SCMH1: variants seen among roughly 807,000 people sequenced by gnomAD.
SCMH1 encodes Scm polycomb group protein homolog 1.
A neutral mutation model predicts 70.8 loss-of-function variants in SCMH1; 37 were observed. That is an observed-to-expected ratio of 0.52 (90% confidence interval 0.40 to 0.69). The LOEUF (loss-of-function observed/expected upper bound fraction) is 0.69. Among genes scored for constraint, SCMH1 ranks in the 30% least tolerant of loss-of-function variants. The pLI, the probability that SCMH1 is intolerant of heterozygous loss-of-function variation, is 0.00. For missense variants in SCMH1, 607 were observed against 827.3 expected (o/e 0.73, Z 3.27); for synonymous variants, 292 against 307.4 (o/e 0.95, Z 0.52).
chr1:41,161,273 T>G, intron 3 of SCMH1, 91 bp downstream of exon 3: 1 of 1,532,016 alleles, frequency 6.5e-7, no homozygotes, highest in Non-Finnish European at 8.8e-7. Flanking sequence ...ATTGAGTTAT[T>G]TGTAAACTCA....
At chr1:41,078,761 C>T (rs577769113) in intron 8 of SCMH1, among the ~76,000 whole-genome samples, 33 of 152,100 alleles carry the variant, frequency 2.2e-4, no homozygotes, top group Non-Finnish European at 4.4e-4. Flanking sequence ...CTGTCACCAG[C>T]AGACCTAACT....
At chr1:41,142,855 A>G (rs1572556592) in intron 6 of SCMH1, 23 bp downstream of exon 6, 2 of 1,584,322 alleles carry the variant, frequency 1.3e-6, no homozygotes, top group African/African-American at 1.3e-5. Context: ...TTGGCTAGAA[A>G]GAGTTTGGGT....
chr1:41,174,101 A>AT (rs1469933849), intron 2 of SCMH1, among the ~76,000 whole-genome samples: 2 of 152,234 alleles, frequency 1.3e-5, no homozygotes, highest in African/African-American at 2.4e-5. Flanking sequence ...TGCTCCCAAC[A>AT]TAAATAAATG....
intron 8 of SCMH1, among the ~76,000 whole-genome samples, chr1:41,089,166 T>C (rs771118693): frequency 9.2e-5 from 14 of 152,228 alleles, no homozygotes; most frequent in Admixed American, 2.6e-4. Flanking sequence ...ATTCTACCTA[T>C]AATTAAAACT....
intron 2 of SCMH1, chr1:41,161,667 T>G (rs1646043396): frequency 6.1e-6 from 1 of 163,614 alleles, no homozygotes; most frequent in African/African-American, 2.4e-5. Flanking sequence ...GATTAAGATT[T>G]GATAATACAA....
intron 1 of SCMH1, among the ~76,000 whole-genome samples, chr1:41,210,214 C>G (rs1260808291): frequency 1.3e-5 from 2 of 152,154 alleles, no homozygotes; most frequent in Non-Finnish European, 2.9e-5. Flanking sequence ...AAACAGGACA[C>G]AAACAAATGG....
At chr1:41,124,248 C>G (rs977675868) in intron 6 of SCMH1, among the ~76,000 whole-genome samples, 1 of 152,070 alleles carries the variant, frequency 6.6e-6, no homozygotes, top group African/African-American at 2.4e-5. Flanking sequence ...CGACACTTCA[C>G]CCCTAAATAT....
chr1:41,034,072 C>CA (rs1203900946), intron 13 of SCMH1, 24 bp from the exon 14 acceptor site: 2 of 1,591,534 alleles, frequency 1.3e-6, no homozygotes, highest in East Asian at 2.2e-5. Flanking sequence ...AGGTTGGTGT[C>CA]ACCATCTCCA....
intron 1 of SCMH1, among the ~76,000 whole-genome samples, chr1:41,199,577 G>C (rs1279471845): frequency 6.6e-6 from 1 of 151,922 alleles, no homozygotes; most frequent in Non-Finnish European, 1.5e-5. Context: ...AGGCACCCAT[G>C]GTCACTCAAC....
At position 41,074,684 on chromosome 1, in the gene SCMH1, C is replaced by G. The variant is rs977726655; in HGVS notation, c.978+535G>C. ...AATCTCCTCAAATATGAGTGACTTTCAAAGTTAAAATTTGTTTCCTATCCT... is the reference window on the plus strand; with the variant it reads ...AATCTCCTCAAATATGAGTGACTTTGAAAGTTAAAATTTGTTTCCTATCCT... On this transcript the variant is annotated intron_variant, in intron 9 of 14. Coordinates refer to ENST00000337495, the Ensembl canonical transcript of SCMH1. Among the ~76,000 whole-genome samples the G allele has an allele frequency of 2.0e-5, 3 of 152,302 alleles. No individual in the cohort carries two copies. In the East Asian group the frequency reaches 5.8e-4, roughly 29 times the overall value.
chr1:41,119,297 A>G (rs1364299036), intron 6 of SCMH1, among the ~76,000 whole-genome samples: 1 of 152,220 alleles, frequency 6.6e-6, no homozygotes, highest in East Asian at 1.9e-4. Flanking sequence ...AAAGCTGGCT[A>G]GGCTAAGCCA....
chr1:41,202,486 G>A (rs572747325), intron 1 of SCMH1, among the ~76,000 whole-genome samples: 13 of 152,256 alleles, frequency 8.5e-5, no homozygotes, highest in African/African-American at 2.9e-4. Context: ...ATTGGACCAG[G>A]ATTCGTGGTA....
At chr1:41,118,804 A>C (rs1671183607) in intron 6 of SCMH1, among the ~76,000 whole-genome samples, 1 of 152,146 alleles carries the variant, frequency 6.6e-6, no homozygotes, top group African/African-American at 2.4e-5. Flanking sequence ...AACAAAACCT[A>C]ATGTTTTTTG....
intron 6 of SCMH1, among the ~76,000 whole-genome samples, chr1:41,125,638 T>G (rs213760): frequency 0.032 from 4,886 of 151,964 alleles, 117 homozygotes; most frequent in East Asian, 0.096. Flanking sequence ...AATAGCATGA[T>G]CATGGCTCAC....
intron 8 of SCMH1, among the ~76,000 whole-genome samples, chr1:41,077,688 A>T (rs1558676653): frequency 6.6e-6 from 1 of 152,178 alleles, no homozygotes; most frequent in Non-Finnish European, 1.5e-5. Context: ...TGTCCAAAAA[A>T]CAAGCATAAA....
At chr1:41,048,710 T>C in exon 11 of SCMH1, 2 of 1,614,110 alleles carry the variant, frequency 1.2e-6, no homozygotes, top group South Asian at 1.1e-5. Flanking sequence ...CTCACCACCA[T>C]GGCCTTGCTT....
At chr1:41,151,415 G>A (rs1383894547) in intron 5 of SCMH1, among the ~76,000 whole-genome samples, 199 bp downstream of exon 5, 1 of 152,210 alleles carries the variant, frequency 6.6e-6, no homozygotes. Context: ...TGTTACTTGG[G>A]ATGAAGGTGG....
intron 4 of SCMH1, among the ~76,000 whole-genome samples, chr1:41,153,686 A>C (rs879506118): frequency 1.3e-5 from 2 of 152,232 alleles, no homozygotes; most frequent in Non-Finnish European, 2.9e-5. Flanking sequence ...GTGATGGCTG[A>C]CTGGCTTGAA....
At chr1:41,221,893 C>CAAAAAAAAAAAAAAAAAAAAAAAAAA (rs34257855) in intron 1 of SCMH1, among the ~76,000 whole-genome samples, 1 of 45,020 alleles carries the variant, frequency 2.2e-5, no homozygotes, top group Non-Finnish European at 3.5e-5. Flanking sequence ...GACTCCGTCT[C>CAAAAAAAAAAAAAAAAAAAAAAAAAA]AAAAAAAAAA....
Sources: gnomAD v4.1 joint callset for allele counts (sites outside exome capture counted in the v4.1 genomes callset) on GRCh38, gnomAD v4.1.1 for gene constraint, MANE v1.5 for transcripts, NCBI Gene and HGNC (gene_info 2026-07-23, HGNC 2026-07-21) for gene names.